The following SLC25A45 variants were observed in gnomAD, a reference collection of about 807,000 sequenced individuals.
The protein encoded by SLC25A45 is methylated amino-acid transporter SLC25A45.
In SLC25A45, 22 loss-of-function variants were observed where a neutral mutation model predicts 23.0. The ratio of observed to expected loss-of-function variants is 0.95; its 90% confidence interval spans 0.68 to 1.36. The LOEUF (loss-of-function observed/expected upper bound fraction) is 1.36. SLC25A45 is among the 40% of genes most tolerant of loss of function. The probability of loss-of-function intolerance (pLI) is 0.00; values close to 1 mark genes in which losing one functional copy is unlikely to be tolerated. For missense variants in SLC25A45, 355 were observed against 383.5 expected (o/e 0.93, Z 0.62); for synonymous variants, 136 against 155.0 (o/e 0.88, Z 0.91).
At position 65,382,003 on chromosome 11, in the gene SLC25A45, TC is replaced by T. The variant is rs759661588; in HGVS notation, c.-18-35del. On this transcript the variant is annotated intron_variant, in intron 1 of 6. Transcript: ENST00000398802. The surrounding 1 kb of genome is among the most constrained non-coding windows in gnomAD (Gnocchi z 4.4). Reference sequence around the variant, plus strand: ...TCCAGCAGAGGAGACAGAGTTGAATTCCCCCCTCTCCCTCCCCTGGCCCACG... The same window carrying T: ...TCCAGCAGAGGAGACAGAGTTGAATTCCCCCTCTCCCTCCCCTGGCCCACG... 1.6e-5 allele frequency: 24 copies of T among 1,455,668 alleles called. No individual in the cohort carries two copies. The highest frequency in any genetic ancestry group is 1.3e-4 in the Admixed American group (8 of 59,740). The allele number at this position is 1,455,668 out of a possible 1,614,324, so 90.2% of individuals were successfully genotyped here.
intron 2 of SLC25A45, 79 bp downstream of exon 2, chr11:65,381,836 T>C (rs904268020): frequency 6.3e-7 from 1 of 1,579,272 alleles, no homozygotes; most frequent in Non-Finnish European, 8.7e-7. Flanking sequence ...TGGTCTCTGC[T>C]CCTCCCATGT....
chr11:65,376,944 C>A lies in SLC25A45; in HGVS notation c.472G>T (p.Glu158Ter). The A allele has an allele frequency of 6.2e-7, 1 of 1,613,050 alleles. No individual in the cohort carries two copies. The highest frequency in any genetic ancestry group is 8.5e-7 in the Non-Finnish European group (1 of 1,179,386). ...CCTCGGAACAGCCCCCGGGGCCCCT[C>A]CTCCCGGAAGATGGAGGCTGCACAG... Reference protein sequence around the residue: ...VHCAASIFREEGPRGLFRGAW... With the variant: ...VHCAASIFRE Residue 158 changes from glutamate to a stop codon, truncating the protein, a stop_gained, in exon 6 of 7, where the codon GAG (glutamate) becomes TAG (stop). Coordinates refer to ENST00000398802, the MANE Select transcript of SLC25A45 (RefSeq NM_182556.4). LOFTEE classifies it high-confidence loss of function.
rs182802664 is a variant in SLC25A45 at position 65,376,895 on chromosome 11, T to A, written c.521A>T (p.Asp174Val). ...FRGAWALTLR[D>V]TPTVGIYFIT... ...GAAGTAGATCCCCACCGTGGGGGTG[T>A]CCCTCAGCGTCAGGGCCCAGGCTCC... is the stretch of plus-strand genomic sequence containing the variant. The change falls in exon 6 of 7, where the codon GAC (aspartate) becomes GTC (valine). Residue 174 changes from aspartate (D) to valine (V), a missense_variant. Transcript: ENST00000398802. The A allele has an allele frequency of 9.2e-5, 148 of 1,613,416 alleles. No homozygotes were observed. In the African/African-American group the frequency reaches 1.6e-3, roughly 18 times the overall value.
upstream of SLC25A45, chr11:65,382,979 G>A (rs1371705580): frequency 1.3e-5 from 2 of 152,298 alleles, no homozygotes; most frequent in Admixed American, 6.5e-5. This position sits in a 1 kb window ranked among gnomAD's most constrained non-coding sequence, Gnocchi z 4.4. Context: ...TGTCTGTCTG[G>A]ACAGGGATCT....
chr11:65,380,155 C>T lies in SLC25A45; in HGVS notation c.58G>A (p.Gly20Arg), dbSNP rs768197855. 1 of 1,614,180 alleles carries T rather than the reference C, an allele frequency of 6.2e-7. No homozygotes were observed. The highest frequency in any genetic ancestry group is 2.2e-5 in the East Asian group (1 of 44,886). ...WISGALGLVLGHPFDTVKVRL... is the reference protein window; with the variant it reads ...WISGALGLVLRHPFDTVKVRL... ...ACCTTTACAGTGTCAAACGGGTGTC[C>T]CAGGACCAAGCCCAGAGCGCCTGTG... Residue 20 changes from glycine to arginine, a missense_variant, in exon 3 of 7, where the codon GGA becomes AGA. Transcript: ENST00000398802.
chr11:65,379,922 TG>T lies in SLC25A45; in HGVS notation c.97del (p.Gln33ArgfsTer27). 3 of 1,614,184 alleles carry T rather than the reference TG, an allele frequency of 1.9e-6. No individual in the cohort carries two copies. Among genetic ancestry groups the T allele is most frequent in the Non-Finnish European group, 2.5e-6 (3 of 1,180,006 alleles). On this transcript the variant is annotated frameshift_variant, in exon 4 of 7. Coordinates refer to ENST00000398802, the MANE Select transcript of SLC25A45 (RefSeq NM_182556.4). LOFTEE classifies it high-confidence loss of function. ...ATCAACGATGCCCCGGTAGGTGGTC[TG>T]GGTCTGCAGCCTCACCTGGGTGGGA... ...FDTVKVRLQT[Q>X]TTYRGIVDCM...
In SLC25A45 at chr11:65,382,223, T is replaced by C; in HGVS notation, c.-18-254A>G. On this transcript the variant is annotated intron_variant, in intron 1 of 6. Coordinates refer to ENST00000398802, the MANE Select transcript of SLC25A45 (RefSeq NM_182556.4). This position sits in a 1 kb window ranked among gnomAD's most constrained non-coding sequence, Gnocchi z 4.4. ...GGCCCTGATCCCCGAGCCCGGCCAA[T>C]GATCCTCGCTCTGAGGATGGCAACT... The C allele has an allele frequency of 1.9e-6, 1 of 533,136 alleles. No homozygotes were observed. Among genetic ancestry groups the C allele is most frequent in the Non-Finnish European group, 3.4e-6 (1 of 293,566 alleles). The allele number at this position is 533,136 out of a possible 1,614,324, so 33.0% of individuals were successfully genotyped here. A position where few individuals can be genotyped will look rare whatever the true frequency, so the allele number is the denominator to read the frequency against.
chr11:65,376,862 T>C lies in SLC25A45; in HGVS notation c.554A>G (p.Tyr185Cys), dbSNP rs1287082736. ...TGTGTACTGGCGACAGAGCCCTTCA[T>C]AGGTGATGAAGTAGATCCCCACCGT... ...TPTVGIYFIT[Y>C]EGLCRQYTPE... The change falls in exon 6 of 7, where the codon TAT (tyrosine) becomes TGT (cysteine). Residue 185 changes from tyrosine (Y) to cysteine (C), a missense_variant. Tyr to Cys is a radical substitution (Grantham distance 194, BLOSUM62 -2). Coordinates refer to ENST00000398802, the MANE Select transcript of SLC25A45 (RefSeq NM_182556.4). The C allele has an allele frequency of 1.2e-6, 2 of 1,614,198 alleles. No individual in the cohort carries two copies. The highest frequency in any genetic ancestry group is 1.1e-5 in the South Asian group (1 of 91,088).
chr11:65,380,521 C>T, intron 2 of SLC25A45: 1 of 1,386,062 alleles, frequency 7.2e-7, no homozygotes, highest in Non-Finnish European at 9.5e-7. Flanking sequence ...GGGAGAATCA[C>T]CCAGGTTCCC....
In SLC25A45 at chr11:65,376,664, C is replaced by A. The variant is rs763658802; in HGVS notation, c.610G>T (p.Val204Leu). The A allele has an allele frequency of 3.2e-5, 52 of 1,613,770 alleles. No homozygotes were observed. Among genetic ancestry groups the A allele is most frequent in the Non-Finnish European group, 4.1e-5 (48 of 1,179,866 alleles). The change falls in exon 7 of 7, where the codon GTG becomes TTG. Residue 204 changes from valine (V) to leucine (L), a missense_variant. Val to Leu is a conservative substitution (Grantham distance 32). Coordinates refer to ENST00000398802, the MANE Select transcript of SLC25A45 (RefSeq NM_182556.4). ...CCTGCAAAGCCCCCTGCCACCAGCA[C>A]CGTGGCTGAGCCTGGGGCAGAGAGA... The part of the protein sequence containing the change: ...PEGQNPSSAT[V>L]LVAGGFAGIA...
intron 4 of SLC25A45, 137 bp from the exon 5 acceptor site, chr11:65,379,698 G>T: frequency 8.0e-7 from 1 of 1,245,900 alleles, no homozygotes; most frequent in Non-Finnish European, 1.1e-6. Flanking sequence ...GCAGGGATGG[G>T]CTGAGGCTGC....
chr11:65,377,375 G>T, intron 5 of SLC25A45: 2 of 1,247,668 alleles, frequency 1.6e-6, no homozygotes, highest in Non-Finnish European at 2.0e-6. Context: ...GATTCTTTTT[G>T]CAGGAGCAGG....
rs1164362651 is a variant in SLC25A45 at position 65,375,855 on chromosome 11, G to A, written c.*552C>T. 3.2e-5 allele frequency: 5 copies of A among 155,940 alleles called. No individual in the cohort carries two copies. The highest frequency in any genetic ancestry group is 2.5e-4 in the Admixed American group (4 of 16,050). The allele number at this position is 155,940 out of a possible 1,614,324, so 9.7% of individuals were successfully genotyped here. Reference sequence around the variant, plus strand: ...ACGCGGGCGGATCACAAAGTCAGGAGATCAAGACCATCCTGGCTGACATGG... The same window carrying A: ...ACGCGGGCGGATCACAAAGTCAGGAAATCAAGACCATCCTGGCTGACATGG... On this transcript the variant is annotated 3_prime_UTR_variant, in exon 7 of 7. Coordinates refer to ENST00000398802, the MANE Select transcript of SLC25A45 (RefSeq NM_182556.4).
At chr11:65,380,384 C>T (rs980883623) in intron 2 of SLC25A45, 2 of 917,852 alleles carry the variant, frequency 2.2e-6, no homozygotes, top group Non-Finnish European at 3.2e-6. Context: ...GGCACTGGGA[C>T]AAGGGACTAA....
chr11:65,383,197 A>T (rs1855654165), upstream of SLC25A45: 1 of 152,744 alleles, frequency 6.5e-6, no homozygotes, highest in Non-Finnish European at 1.5e-5. Flanking sequence ...CTAGTCTCCC[A>T]TGGGGGACGC....
chr11:65,377,551 C>G, intron 5 of SLC25A45: 2 of 344,882 alleles, frequency 5.8e-6, no homozygotes, highest in Non-Finnish European at 8.2e-6. Flanking sequence ...CTCTCAGAGG[C>G]CCGGAGGGGC....
intron 6 of SLC25A45, 43 bp from the exon 7 acceptor site, chr11:65,376,718 G>C (rs749311126): frequency 5.6e-6 from 9 of 1,613,652 alleles, no homozygotes; most frequent in African/African-American, 5.3e-5. Context: ...ACCCAGAACA[G>C]AGCATCCTCC....
chr11:65,378,101 T>C (rs58695960), intron 5 of SLC25A45: 4,791 of 152,272 alleles, frequency 0.031, 286 homozygotes, highest in African/African-American at 0.11. Context: ...TGCCACCCTC[T>C]AGAGCGTGCT....
intron 2 of SLC25A45, chr11:65,380,498 G>C (rs899618918): frequency 4.3e-6 from 6 of 1,380,586 alleles, no homozygotes; most frequent in Non-Finnish European, 5.8e-6. Context: ...CCGCCTATGA[G>C]CCGCGGGACT....
Sources: allele counts gnomAD v4.1 joint callset, GRCh38; gene constraint gnomAD v4.1.1; non-coding constraint Gnocchi (gnomAD v3.1); transcripts MANE v1.5; gene names NCBI Gene and HGNC (gene_info 2026-07-23, HGNC 2026-07-21).